The following MSH3 variants were observed in gnomAD, a reference collection of about 807,000 sequenced individuals.
MSH3 encodes the protein mutS homolog 3.
A neutral mutation model predicts 123.3 loss-of-function variants in MSH3; 106 were observed. The observed-to-expected ratio is 0.86, with a 90% CI of 0.73 to 1.01. The LOEUF is 1.01. Ranked by LOEUF, MSH3 falls within the 50% of genes least tolerant of loss-of-function variation. The pLI, the probability that MSH3 is intolerant of heterozygous loss-of-function variation, is 0.00. For missense variants in MSH3, 1,459 were observed against 1,347.6 expected (o/e 1.08, Z -1.29); for synonymous variants, 515 against 481.4 (o/e 1.07, Z -0.91).
In MSH3 at chr5:80,791,811, A is replaced by C. The variant is rs185816932; in HGVS notation, c.2544-922A>C. 1.3e-3 allele frequency among the ~76,000 whole-genome samples: 197 copies of C among 152,340 alleles called. 2 individuals are homozygous for C. Among genetic ancestry groups the C allele is most frequent in the African/African-American group, 4.6e-3 (192 of 41,586 alleles). On this transcript the variant is annotated intron_variant, in intron 18 of 23. Coordinates refer to ENST00000265081, the MANE Select transcript of MSH3 (RefSeq NM_002439.5). ...AGAAATCACAACGAGTGTGATGCATACATAAACATAAATGCACAGAAGAAG... is the reference window on the plus strand; with the variant it reads ...AGAAATCACAACGAGTGTGATGCATCCATAAACATAAATGCACAGAAGAAG...
intron 4 of MSH3, 119 bp from the exon 5 acceptor site, chr5:80,672,125 T>G: frequency 2.6e-6 from 2 of 765,868 alleles, no homozygotes; most frequent in Admixed American, 4.5e-5. Context: ...AGTACACATT[T>G]AGATTAAGTG....
intron 18 of MSH3, 82 bp downstream of exon 18, chr5:80,787,754 A>G: frequency 1.1e-6 from 1 of 944,980 alleles, no homozygotes; most frequent in Non-Finnish European, 1.7e-6. Context: ...CTTTATTATA[A>G]AATATTACAG....
chr5:80,679,115 A>C, intron 8 of MSH3, 22 bp downstream of exon 8: 1 of 1,612,074 alleles, frequency 6.2e-7, no homozygotes, highest in East Asian at 2.2e-5. Flanking sequence ...CATCACTGGA[A>C]TATAATACCG....
chr5:80,770,732 T>C (rs902383845), intron 15 of MSH3, among the ~76,000 whole-genome samples: 3 of 152,224 alleles, frequency 2.0e-5, no homozygotes, highest in Non-Finnish European at 4.4e-5. Context: ...CTCAACACCA[T>C]GGATTTTATC....
At chr5:80,785,707 C>A (rs1435751114) in intron 17 of MSH3, among the ~76,000 whole-genome samples, 16 of 152,180 alleles carry the variant, frequency 1.1e-4, no homozygotes, top group Admixed American at 7.2e-4. Flanking sequence ...TTTATTGCGG[C>A]ATTATTCACA....
chr5:80,745,639 A>C (rs958288723), intron 12 of MSH3, among the ~76,000 whole-genome samples: 1 of 152,200 alleles, frequency 6.6e-6, no homozygotes, highest in African/African-American at 2.4e-5. Flanking sequence ...TGGTGAAGAG[A>C]ACCGCTATGT....
At chr5:80,712,553 C>T (rs983910985) in intron 8 of MSH3, among the ~76,000 whole-genome samples, 1 of 151,978 alleles carries the variant, frequency 6.6e-6, no homozygotes, top group African/African-American at 2.4e-5. Flanking sequence ...TTCTGAATTA[C>T]TTTGTTTTGG....
At chr5:80,755,747 G>A (rs1450506780) in intron 12 of MSH3, among the ~76,000 whole-genome samples, 1 of 152,160 alleles carries the variant, frequency 6.6e-6, no homozygotes, top group Non-Finnish European at 1.5e-5. Flanking sequence ...AAGGATTGGG[G>A]TTCAACTGCC....
At chr5:80,809,447 A>C (rs1395960150) in intron 19 of MSH3, among the ~76,000 whole-genome samples, 1 of 152,242 alleles carries the variant, frequency 6.6e-6, no homozygotes, top group Non-Finnish European at 1.5e-5. Context: ...CTTATCTTTC[A>C]AGGTATTGGA....
intron 20 of MSH3, among the ~76,000 whole-genome samples, chr5:80,846,069 G>A (rs190696187): frequency 1.7e-3 from 266 of 152,234 alleles, no homozygotes; most frequent in African/African-American, 6.1e-3. Flanking sequence ...TGATGTTGGT[G>A]ACCTACAGGT....
rs368317886 is a variant in MSH3, at chr5:80,655,004, G to A, written c.237+40G>A. On this transcript the variant is annotated intron_variant, in intron 1 of 23. Coordinates refer to ENST00000265081, the MANE Select transcript of MSH3 (RefSeq NM_002439.5). ...GGACTGGGCAGGGCCATCGGGGCTG[G>A]GGGGGCGGGGCTTGTGGGTAAGGCG... 7.0e-5 allele frequency: 87 copies of A among 1,249,092 alleles called. No individual in the cohort carries two copies. The East Asian group carries it at 1.1e-3, about 15-fold the overall frequency. 77.4% of individuals were successfully genotyped at this position (1,249,092 alleles called of 1,614,324 possible).
At chr5:80,711,086 G>GA (rs1221265710) in intron 8 of MSH3, among the ~76,000 whole-genome samples, 1 of 152,104 alleles carries the variant, frequency 6.6e-6, no homozygotes, top group Non-Finnish European at 1.5e-5. Flanking sequence ...CAAAAGTGTA[G>GA]AAAAAACTAG....
intron 9 of MSH3, among the ~76,000 whole-genome samples, chr5:80,727,543 A>G (rs935179975): frequency 6.6e-6 from 1 of 152,236 alleles, no homozygotes; most frequent in Admixed American, 6.5e-5. Flanking sequence ...CGGAGGGGTT[A>G]TCATTAACAA....
At chr5:80,688,878 A>C (rs2112826541) in intron 8 of MSH3, among the ~76,000 whole-genome samples, 1 of 152,304 alleles carries the variant, frequency 6.6e-6, no homozygotes, top group South Asian at 2.1e-4. Flanking sequence ...TCGTGATTGC[A>C]GTGTTACAGT....
chr5:80,709,631 CAAAA>C (rs1224523399), intron 8 of MSH3, among the ~76,000 whole-genome samples: 1 of 150,780 alleles, frequency 6.6e-6, no homozygotes, highest in African/African-American at 2.4e-5. Flanking sequence ...AACTCCGTCT[CAAAA>C]AAAGAAAAAA....
At chr5:80,834,686 A>C (rs1434411096) in intron 20 of MSH3, among the ~76,000 whole-genome samples, 1 of 149,540 alleles carries the variant, frequency 6.7e-6, no homozygotes, top group Non-Finnish European at 1.5e-5. Context: ...AATACTTAAA[A>C]ATAATAAAGT....
intron 8 of MSH3, among the ~76,000 whole-genome samples, chr5:80,693,608 TATAC>T (rs1212929987): frequency 9.8e-5 from 13 of 132,682 alleles, no homozygotes; most frequent in East Asian, 4.3e-4. Context: ...AACATACATA[TATAC>T]ACACACACAT....
At chr5:80,766,850 G>A (rs1369211812) in intron 13 of MSH3, among the ~76,000 whole-genome samples, 1 of 151,798 alleles carries the variant, frequency 6.6e-6, no homozygotes, top group Non-Finnish European at 1.5e-5. Context: ...ACTACCCAGA[G>A]GTAACCAGAG....
At chr5:80,659,259 T>C (rs1749370346) in intron 2 of MSH3, among the ~76,000 whole-genome samples, 1 of 151,246 alleles carries the variant, frequency 6.6e-6, no homozygotes, top group Non-Finnish European at 1.5e-5. Flanking sequence ...GATACAGTTA[T>C]GCAATATGAT....
Sources: allele counts gnomAD v4.1 joint callset (sites outside exome capture counted in the v4.1 genomes callset), GRCh38; gene constraint gnomAD v4.1.1; transcripts MANE v1.5; gene names NCBI Gene and HGNC (gene_info 2026-07-23, HGNC 2026-07-21).